Variants in TPTE2 observed in about 807,000 individuals in gnomAD.
TPTE2 encodes the protein transmembrane phosphoinositide 3-phosphatase and tensin homolog 2, also known as phosphatidylinositol 3,4,5-trisphosphate 3-phosphatase TPTE2.
TPTE2 carries 53 observed loss-of-function variants against 78.6 expected under a neutral mutation model. The observed-to-expected ratio is 0.67, with a 90% CI of 0.54 to 0.85. The LOEUF (loss-of-function observed/expected upper bound fraction) is 0.85, where lower values mean the gene tolerates loss of function less well. TPTE2 is among the 40% of genes least tolerant of loss of function. The pLI, the probability that TPTE2 is intolerant of heterozygous loss-of-function variation, is 0.00. For synonymous variants in TPTE2, 175 were observed against 206.2 expected (o/e 0.85, Z 1.30); for missense variants, 461 against 623.0 (o/e 0.74, Z 2.77).
chr13:19,523,494 G>C (rs760994458), intron 1 of TPTE2, among the ~76,000 whole-genome samples: 5 of 151,248 alleles, frequency 3.3e-5, no homozygotes, highest in Admixed American at 6.6e-5. Context: ...TTATTTTTTT[G>C]AAACAGAGTC....
intron 1 of TPTE2, among the ~76,000 whole-genome samples, chr13:19,494,269 T>A (rs1323356033): frequency 6.6e-6 from 1 of 152,224 alleles, no homozygotes; most frequent in Non-Finnish European, 1.5e-5. Context: ...AAGTTATTTA[T>A]ACACGATACA....
intron 4 of TPTE2, 40 bp from the exon 8 acceptor site, chr13:19,475,663 C>T (rs1274046844): frequency 1.3e-6 from 2 of 1,590,488 alleles, no homozygotes; most frequent in South Asian, 2.3e-5. Context: ...CAGATTTCTT[C>T]TTATATTGTA....
At chr13:19,492,812 CTT>C in intron 3 of TPTE2, 36 bp downstream of exon 6, 1 of 1,608,218 alleles carries the variant, frequency 6.2e-7, no homozygotes, top group African/African-American at 1.3e-5. Context: ...TCTATGCACT[CTT>C]ATGCATACGT....
chr13:19,519,071 T>C (rs1281597221), intron 1 of TPTE2, among the ~76,000 whole-genome samples: 3 of 152,136 alleles, frequency 2.0e-5, no homozygotes, highest in Non-Finnish European at 4.4e-5. Context: ...CAGGTTCTCA[T>C]GATGAAGGCT....
chr13:19,473,888 T>G (rs777858252), intron 6 of TPTE2, 26 bp downstream of exon 9: 26 of 1,563,982 alleles, frequency 1.7e-5, no homozygotes, highest in African/African-American at 2.8e-5. Context: ...AATAGCTTAA[T>G]GCATTATAAA....
chr13:19,425,743 C>G (rs201778908), intron 18 of TPTE2: 365 of 517,014 alleles, frequency 7.1e-4, no homozygotes, highest in African/African-American at 2.7e-3. Flanking sequence ...GTCCCTCCCT[C>G]TCTCTCGCTA....
rs551828987 is a variant in TPTE2 at position 19,459,631 on chromosome 13, G to A, written c.741+4825C>T. 4.6e-5 allele frequency among the ~76,000 whole-genome samples: 7 copies of A among 152,260 alleles called. No homozygotes were observed. The East Asian group carries it at 5.8e-4, about 13-fold the overall frequency. On this transcript the variant is annotated intron_variant, in intron 10 of 19. Transcript: ENST00000400230. ...TGCAGAGATGGCAGCTGCCCCTCCC[G>A]CCAGGAGCTCCATTTCAGGGAGAGA...
At chr13:19,496,289 C>T (rs1007378314) in intron 1 of TPTE2, among the ~76,000 whole-genome samples, 2 of 152,236 alleles carry the variant, frequency 1.3e-5, no homozygotes, top group African/African-American at 4.8e-5. Context: ...GCAACACATA[C>T]TTCACACCTA....
intron 3 of TPTE2, among the ~76,000 whole-genome samples, chr13:19,489,353 C>A (rs1171433391): frequency 6.6e-6 from 1 of 151,834 alleles, no homozygotes; most frequent in African/African-American, 2.4e-5. Flanking sequence ...AAAGTAATAT[C>A]TGAGGGGCAA....
intron 1 of TPTE2, among the ~76,000 whole-genome samples, chr13:19,502,895 A>G (rs1868715781): frequency 6.6e-6 from 1 of 151,812 alleles, no homozygotes; most frequent in Admixed American, 6.6e-5. Context: ...TGACAAATAC[A>G]CTAACAGGAA....
chr13:19,461,990 T>C (rs1203145028), intron 10 of TPTE2, among the ~76,000 whole-genome samples: 12 of 151,560 alleles, frequency 7.9e-5, no homozygotes, highest in Non-Finnish European at 1.6e-4. Flanking sequence ...ATTGGGAATT[T>C]GATCTGTTTA....
chr13:19,547,114 G>C, the TPTE2 span, among the ~76,000 whole-genome samples: 2 of 150,596 alleles, frequency 1.3e-5, no homozygotes, highest in South Asian at 4.2e-4. Flanking sequence ...CACATACAAT[G>C]AATCTAGGAT....
At chr13:19,557,554 T>C in the TPTE2 span, among the ~76,000 whole-genome samples, 2 of 152,184 alleles carry the variant, frequency 1.3e-5, no homozygotes, top group African/African-American at 4.8e-5. Flanking sequence ...TAGAGCTGCT[T>C]AGGAATGTCC....
chr13:19,511,229 A>T (rs1869419287), intron 1 of TPTE2, among the ~76,000 whole-genome samples: 3 of 152,186 alleles, frequency 2.0e-5, no homozygotes, highest in Admixed American at 2.0e-4. Flanking sequence ...TCACTAGGGG[A>T]TGCATGCTGT....
At chr13:19,518,047 C>T (rs1202346049) in intron 1 of TPTE2, among the ~76,000 whole-genome samples, 1 of 152,088 alleles carries the variant, frequency 6.6e-6, no homozygotes, top group Non-Finnish European at 1.5e-5. Context: ...GCTCAGTTAT[C>T]CTCTCTGAAT....
At chr13:19,508,426 A>G (rs1354485913) in intron 1 of TPTE2, among the ~76,000 whole-genome samples, 1 of 152,186 alleles carries the variant, frequency 6.6e-6, no homozygotes, top group East Asian at 1.9e-4. Flanking sequence ...TCTTAAGGAT[A>G]AGAGGACACA....
chr13:19,543,581 C>G, the TPTE2 span, among the ~76,000 whole-genome samples: 1 of 152,038 alleles, frequency 6.6e-6, no homozygotes, highest in East Asian at 1.9e-4. Flanking sequence ...GTCTCGAACT[C>G]CTGACCTCAG....
At chr13:19,521,792 T>C (rs560201239) in intron 1 of TPTE2, among the ~76,000 whole-genome samples, 17 of 152,276 alleles carry the variant, frequency 1.1e-4, no homozygotes, top group South Asian at 4.1e-4. Context: ...CTCTCTTCCA[T>C]TGTGCTGTTA....
the TPTE2 span, among the ~76,000 whole-genome samples, chr13:19,547,801 T>A: frequency 1.7e-4 from 25 of 148,702 alleles, no homozygotes; most frequent in African/African-American, 5.9e-4. Flanking sequence ...AAACAGCGGA[T>A]AAATGTGTAA....
Sources: gnomAD v4.1 joint callset for allele counts (sites outside exome capture counted in the v4.1 genomes callset) on GRCh38, gnomAD v4.1.1 for gene constraint, MANE v1.5 for transcripts, NCBI Gene and HGNC (gene_info 2026-07-23, HGNC 2026-07-21) for gene names.